GRID1: variants seen among roughly 807,000 people sequenced by gnomAD.
GRID1 encodes the protein glutamate ionotropic receptor delta type subunit 1.
Under a neutral mutation model 98.0 loss-of-function variants are expected in GRID1, and 28 were observed. The ratio of observed to expected loss-of-function variants is 0.29; its 90% CI spans 0.21 to 0.39. The LOEUF (loss-of-function observed/expected upper bound fraction) is 0.39, where lower values mean the gene tolerates loss of function less well. GRID1 is among the 10% of genes least tolerant of loss of function. GRID1 has a pLI of 1.00. For missense variants in GRID1, 1,111 were observed against 1,340.5 expected, an observed-to-expected ratio of 0.83 and a Z score of 2.67; for synonymous variants, 553 against 538.5, an observed-to-expected ratio of 1.03 and a Z score of -0.37.
At chr10:85,792,911 A>T (rs1842494135) in intron 8 of GRID1, among the ~76,000 whole-genome samples, 2 of 152,158 alleles carry the variant, frequency 1.3e-5, no homozygotes, top group South Asian at 4.1e-4. Flanking sequence ...TGTCACAATG[A>T]TGGCAGTGAG....
rs2132126615 is a variant in GRID1 at position 86,366,050 on chromosome 10, G to A, written c.79+264C>T. Among the ~76,000 whole-genome samples, 1 of 152,228 alleles carries A rather than the reference G, an allele frequency of 6.6e-6. No individual in the cohort carries two copies. The highest frequency in any genetic ancestry group is 1.9e-4 in the East Asian group (1 of 5,140). On this transcript the variant is annotated intron_variant, in intron 1 of 15. Coordinates refer to ENST00000327946, the MANE Select transcript of GRID1 (RefSeq NM_017551.3). This position sits in a 1 kb window ranked among gnomAD's most constrained non-coding sequence, Gnocchi z 4.1. ...GGTCTCGACGCGCGTCCATCCCGGT[G>A]TTCCCCGAAGCGTCGGCCCTAAGTG...
intron 13 of GRID1, among the ~76,000 whole-genome samples, chr10:85,630,063 T>C (rs913861293): frequency 1.3e-5 from 2 of 152,222 alleles, no homozygotes; most frequent in African/African-American, 4.8e-5. Context: ...GAGGGACAGA[T>C]AGCCAGAATT....
chr10:86,249,735 T>C (rs7477982), intron 2 of GRID1, among the ~76,000 whole-genome samples: 2,780 of 152,304 alleles, frequency 0.018, 22 homozygotes, highest in Middle Eastern at 0.034. Context: ...ATGGCCTTCC[T>C]TGAGAAAGCC....
intron 3 of GRID1, among the ~76,000 whole-genome samples, chr10:86,179,202 G>C (rs182748191): frequency 3.7e-5 from 5 of 133,608 alleles, no homozygotes; most frequent in Admixed American, 3.5e-4. Flanking sequence ...AGCAAGCCCA[G>C]CTACCTTCCT....
At chr10:86,340,068 GGGGAGAGTGAGCCTCACAGATGA>G (rs913575018) in intron 2 of GRID1, among the ~76,000 whole-genome samples, 111 of 152,238 alleles carry the variant, frequency 7.3e-4, no homozygotes, top group African/African-American at 2.3e-3. Context: ...GACTGGAGGA[GGGGAGAGTGAGCCTCACAGATGA>G]GGGAGAGTGC....
chr10:86,344,734 T>C (rs1301213284), intron 2 of GRID1, among the ~76,000 whole-genome samples: 1 of 152,240 alleles, frequency 6.6e-6, no homozygotes, highest in African/African-American at 2.4e-5. Context: ...TAGACAACTC[T>C]TGTGGCCCAT....
At chr10:85,833,314 C>T (rs532137907) in intron 8 of GRID1, among the ~76,000 whole-genome samples, 1 of 151,926 alleles carries the variant, frequency 6.6e-6, no homozygotes, top group Admixed American at 6.6e-5. Context: ...CTACAGAAAC[C>T]AGGCGGCCCA....
intron 8 of GRID1, among the ~76,000 whole-genome samples, chr10:85,742,377 C>T (rs143817315): frequency 1.5e-3 from 229 of 152,216 alleles, no homozygotes; most frequent in African/African-American, 5.1e-3. Flanking sequence ...AGAAATTAAG[C>T]GGCAGGCTGC....
At chr10:85,763,443 C>A (rs1399162164) in intron 8 of GRID1, among the ~76,000 whole-genome samples, 5 of 152,356 alleles carry the variant, frequency 3.3e-5, no homozygotes, top group African/African-American at 1.2e-4. Flanking sequence ...TCTCATCATA[C>A]TCTATCCCAC....
intron 8 of GRID1, among the ~76,000 whole-genome samples, chr10:85,823,779 G>A (rs552110284): frequency 2.7e-4 from 41 of 152,110 alleles, no homozygotes; most frequent in African/African-American, 9.4e-4. Context: ...GACAGTCCCA[G>A]GAATGATGGA....
rs534615561 is a variant in GRID1, at chr10:85,939,246, C to T, written c.727-23007G>A. ...CCTCTCCCTACCCAAGTAGGTCTTACTGGGCCCCATGATCCAACAGAGATT... is the reference window on the plus strand; with the variant it reads ...CCTCTCCCTACCCAAGTAGGTCTTATTGGGCCCCATGATCCAACAGAGATT... On this transcript the variant is annotated intron_variant, in intron 4 of 15. Coordinates refer to ENST00000327946, the MANE Select transcript of GRID1 (RefSeq NM_017551.3). Among the ~76,000 whole-genome samples, 96 of 152,344 alleles carry T rather than the reference C, an allele frequency of 6.3e-4. No homozygotes were observed. The East Asian group carries it at 0.016, about 26-fold the overall frequency.
At chr10:85,624,918 TAAC>T (rs766305500) in intron 13 of GRID1, among the ~76,000 whole-genome samples, 7 of 152,116 alleles carry the variant, frequency 4.6e-5, no homozygotes, top group Non-Finnish European at 1.0e-4. Flanking sequence ...ATTAGGGAAA[TAAC>T]AATAAATTAT....
intron 4 of GRID1, among the ~76,000 whole-genome samples, chr10:86,063,846 C>T (rs1415324582): frequency 6.6e-6 from 1 of 152,146 alleles, no homozygotes; most frequent in Non-Finnish European, 1.5e-5. Flanking sequence ...TTTATTAAAG[C>T]ACACCCATAT....
intron 5 of GRID1, among the ~76,000 whole-genome samples, chr10:85,911,347 G>A (rs1169254133): frequency 1.3e-5 from 2 of 152,162 alleles, no homozygotes; most frequent in Non-Finnish European, 2.9e-5. Context: ...AAGTGGCCAA[G>A]TCAAGAGGAT....
intron 2 of GRID1, among the ~76,000 whole-genome samples, chr10:86,310,627 C>T (rs536774178): frequency 3.3e-5 from 5 of 152,308 alleles, no homozygotes; most frequent in East Asian, 1.9e-4. Context: ...CTTCCCACTG[C>T]GCCACGCATG....
intron 4 of GRID1, among the ~76,000 whole-genome samples, chr10:85,971,250 A>C (rs1564638746): frequency 6.6e-6 from 1 of 152,066 alleles, no homozygotes; most frequent in Non-Finnish European, 1.5e-5. Flanking sequence ...AAAACAAAAT[A>C]TAGGAAGATA....
At chr10:85,657,514 T>C (rs1840913187) in intron 12 of GRID1, among the ~76,000 whole-genome samples, 1 of 152,222 alleles carries the variant, frequency 6.6e-6, no homozygotes. Flanking sequence ...CATATATGAA[T>C]GAGTTGGCCT....
chr10:85,750,463 A>G (rs1842036028), intron 8 of GRID1, among the ~76,000 whole-genome samples: 1 of 152,230 alleles, frequency 6.6e-6, no homozygotes, highest in African/African-American at 2.4e-5. Context: ...AGAAAACCAG[A>G]GCAAATACTT....
chr10:86,358,854 G>T (rs1364149409), intron 2 of GRID1, among the ~76,000 whole-genome samples: 1 of 151,674 alleles, frequency 6.6e-6, no homozygotes, highest in Non-Finnish European at 1.5e-5. Context: ...CCAAGCAGAA[G>T]AGTCAGAGAA....
Sources: gnomAD v4.1 joint callset for allele counts (sites outside exome capture counted in the v4.1 genomes callset) on GRCh38, gnomAD v4.1.1 for gene constraint, Gnocchi (gnomAD v3.1) non-coding constraint, MANE v1.5 for transcripts, NCBI Gene and HGNC (gene_info 2026-07-23, HGNC 2026-07-21) for gene names.